ATP9B: variants seen among roughly 807,000 people sequenced by gnomAD.
ATP9B encodes the protein probable phospholipid-transporting ATPase IIB.
Under a neutral mutation model 146.1 loss-of-function variants are expected in ATP9B, and 110 were observed. The observed-to-expected ratio is 0.75, with a 90% CI of 0.65 to 0.88. The LOEUF is 0.88. ATP9B is among the 40% of genes least tolerant of loss of function. The pLI is 0.00. For synonymous variants in ATP9B, 604 were observed against 569.7 expected, an observed-to-expected ratio of 1.06 and a Z score of -0.86; for missense variants, 1,499 against 1,496.4, an observed-to-expected ratio of 1.00 and a Z score of -0.03.
intron 1 of ATP9B, among the ~76,000 whole-genome samples, chr18:79,071,750 C>T (rs980423719): frequency 3.9e-5 from 6 of 152,096 alleles, no homozygotes; most frequent in Non-Finnish European, 8.8e-5. Context: ...ATGCTGCTGT[C>T]ACTCAGATTG....
chr18:79,248,813 A>C (rs963850612), intron 11 of ATP9B, among the ~76,000 whole-genome samples: 17 of 152,154 alleles, frequency 1.1e-4, no homozygotes, highest in African/African-American at 3.6e-4. Flanking sequence ...AGTACGCGTG[A>C]GTTTTAAAAG....
intron 8 of ATP9B, among the ~76,000 whole-genome samples, chr18:79,178,201 G>T (rs1439101051): frequency 6.6e-6 from 1 of 152,148 alleles, no homozygotes. Context: ...GGCTTTCAAA[G>T]GAGCTGCCAA....
Position 79,096,644 on chromosome 18 carries a change from T to TG in ATP9B, c.288_289insG (p.Thr97AspfsTer28). On this transcript the variant is annotated frameshift_variant, in exon 2 of 30. Transcript: ENST00000426216. LOFTEE classifies it high-confidence loss of function. ...TCTGTGATGGCTGGAAGTTCCTCTG[T>TG]ACCAGGTTTGTTATCCATTGCTACC... 6.2e-7 allele frequency: 1 copy of TG among 1,612,084 alleles called. No individual in the cohort carries two copies. The highest frequency in any genetic ancestry group is 2.2e-5 in the East Asian group (1 of 44,768).
At chr18:79,130,840 C>G (rs925456030) in intron 5 of ATP9B, among the ~76,000 whole-genome samples, 7 of 152,262 alleles carry the variant, frequency 4.6e-5, no homozygotes, top group Non-Finnish European at 1.0e-4. Flanking sequence ...GTTAAGAATT[C>G]TATATCTGGT....
intron 7 of ATP9B, chr18:79,174,038 A>G (rs1469406249): frequency 3.1e-6 from 1 of 326,594 alleles, no homozygotes; most frequent in Non-Finnish European, 5.9e-6. Context: ...ATTGAGCTGG[A>G]CTGCACTTTT....
At chr18:79,077,860 T>G (rs1458731165) in intron 1 of ATP9B, 1 of 152,272 alleles carries the variant, frequency 6.6e-6, no homozygotes, top group East Asian at 1.9e-4. Flanking sequence ...TCTCTGGCTG[T>G]AAAGTTTACC....
chr18:79,187,898 A>G (rs1032279990), intron 8 of ATP9B, among the ~76,000 whole-genome samples: 20 of 152,242 alleles, frequency 1.3e-4, no homozygotes, highest in Non-Finnish European at 2.2e-4. Context: ...GAAATATGCC[A>G]TATCAATTTT....
chr18:79,357,316 G>A (rs61340882), intron 25 of ATP9B, among the ~76,000 whole-genome samples: 10 of 3,528 alleles, frequency 2.8e-3, no homozygotes, highest in Admixed American at 2.7e-3. Context: ...TGTGTGAGGG[G>A]TGCTCTGGGT....
chr18:79,131,221 C>G (rs996685947), intron 5 of ATP9B, among the ~76,000 whole-genome samples: 1 of 151,934 alleles, frequency 6.6e-6, no homozygotes, highest in African/African-American at 2.4e-5. Context: ...TTTCGTGCAT[C>G]TAAGGGCATT....
At chr18:79,344,123 G>A (rs749441826) in intron 20 of ATP9B, 142 bp from the exon 21 acceptor site, 9 of 740,312 alleles carry the variant, frequency 1.2e-5, no homozygotes, top group African/African-American at 7.0e-5. Flanking sequence ...ACCTTCTTCC[G>A]GGTCCAAATA....
At chr18:79,335,689 C>T (rs1290480686) in intron 17 of ATP9B, among the ~76,000 whole-genome samples, 1 of 152,214 alleles carries the variant, frequency 6.6e-6, no homozygotes, top group Non-Finnish European at 1.5e-5. Context: ...CCTGCCCTCC[C>T]CTCCATCACT....
At chr18:79,292,715 TG>T (rs1175837535) in intron 13 of ATP9B, among the ~76,000 whole-genome samples, 2 of 145,444 alleles carry the variant, frequency 1.4e-5, no homozygotes, top group African/African-American at 2.5e-5. Flanking sequence ...GGCTGCAGAG[TG>T]GGGGGTGGGT....
At chr18:79,327,818 CCGTGGTTAGTGTGT>C (rs1228484819) in intron 15 of ATP9B, among the ~76,000 whole-genome samples, 1 of 130,610 alleles carries the variant, frequency 7.7e-6, no homozygotes, top group African/African-American at 3.1e-5. Context: ...AGCGTGTTCT[CCGTGGTTAGTGTGT>C]TCTCCGTGGT....
intron 23 of ATP9B, among the ~76,000 whole-genome samples, chr18:79,347,021 A>C (rs1449330282): frequency 1.3e-5 from 2 of 152,232 alleles, no homozygotes; most frequent in South Asian, 2.1e-4. Context: ...ACTCTTAGTC[A>C]CCTGCCCTAG....
At chr18:79,160,757 T>A (rs192420051) in intron 7 of ATP9B, among the ~76,000 whole-genome samples, 78 of 147,582 alleles carry the variant, frequency 5.3e-4, no homozygotes, top group South Asian at 1.3e-3. Context: ...TTTGTTTGTG[T>A]TTGTTTGTTT....
At chr18:79,359,332 C>T (rs2096973186) in intron 25 of ATP9B, 22 bp from the exon 26 acceptor site, 2 of 1,567,472 alleles carry the variant, frequency 1.3e-6, no homozygotes, top group Middle Eastern at 1.7e-4. Context: ...ACGCCCATTG[C>T]ACTCCGCTCT....
intron 9 of ATP9B, among the ~76,000 whole-genome samples, chr18:79,201,689 C>T (rs2095489489): frequency 6.6e-6 from 1 of 152,104 alleles, no homozygotes; most frequent in Admixed American, 6.5e-5. Context: ...CCTGCCTCAG[C>T]CTCCCGAGCA....
chr18:79,326,638 A>G (rs563033432), intron 15 of ATP9B, among the ~76,000 whole-genome samples: 1 of 152,338 alleles, frequency 6.6e-6, no homozygotes, highest in South Asian at 2.1e-4. Context: ...GTCCCCACAC[A>G]GTGCCCTGCT....
chr18:79,361,365 A>G (rs1210241505), intron 26 of ATP9B: 3 of 152,234 alleles, frequency 2.0e-5, no homozygotes, highest in Non-Finnish European at 4.4e-5. Context: ...AACTGTGGCC[A>G]TGGAATCCGT....
Sources: gnomAD v4.1 joint callset for allele counts (sites outside exome capture counted in the v4.1 genomes callset) on GRCh38, gnomAD v4.1.1 for gene constraint, MANE v1.5 for transcripts, NCBI Gene and HGNC (gene_info 2026-07-23, HGNC 2026-07-21) for gene names.